Variants in CSMD3 observed in about 807,000 individuals in gnomAD.
CSMD3 encodes the protein CUB and sushi domain-containing protein 3.
A neutral mutation model predicts 435.2 loss-of-function variants in CSMD3; 177 were observed. The observed-to-expected ratio is 0.41, with a 90% confidence interval of 0.36 to 0.46. CSMD3 has a LOEUF of 0.46. CSMD3 is among the 20% of genes least tolerant of loss of function. The probability of loss-of-function intolerance (pLI) is 0.34; values close to 1 mark genes in which losing one functional copy is unlikely to be tolerated. For missense variants in CSMD3, 4,265 were observed against 4,504.6 expected (o/e 0.95, Z 1.52); for synonymous variants, 1,656 against 1,520.5 (o/e 1.09, Z -2.07).
At chr8:112,483,923 T>C (rs923761338) in intron 31 of CSMD3, among the ~76,000 whole-genome samples, 1 of 152,124 alleles carries the variant, frequency 6.6e-6, no homozygotes, top group Non-Finnish European at 1.5e-5. Context: ...GAGTACTCCA[T>C]CCCAAAGAGA....
chr8:112,348,404 G>T (rs1023208319), intron 40 of CSMD3, among the ~76,000 whole-genome samples: 13 of 152,212 alleles, frequency 8.5e-5, no homozygotes, highest in African/African-American at 3.1e-4. Context: ...CTGGCAGATT[G>T]CTTATTTTCC....
chr8:113,084,073 T>A (rs2089665496), intron 5 of CSMD3, among the ~76,000 whole-genome samples: 2 of 152,164 alleles, frequency 1.3e-5, no homozygotes, highest in Non-Finnish European at 2.9e-5. Flanking sequence ...GAAAACTCTT[T>A]TCTCTTATAA....
chr8:112,936,458 A>T (rs1335408813), intron 9 of CSMD3, among the ~76,000 whole-genome samples: 3 of 152,128 alleles, frequency 2.0e-5, no homozygotes, highest in Non-Finnish European at 2.9e-5. Context: ...ATGGAAACTT[A>T]AGAATATTAA....
intron 13 of CSMD3, among the ~76,000 whole-genome samples, chr8:112,779,500 G>A (rs1476203680): frequency 2.6e-5 from 4 of 151,914 alleles, no homozygotes; most frequent in South Asian, 2.1e-4. Context: ...CTGGACCAAG[G>A]AGAATGAATA....
At chr8:113,100,525 T>C (rs1378575168) in intron 4 of CSMD3, among the ~76,000 whole-genome samples, 2 of 152,220 alleles carry the variant, frequency 1.3e-5, no homozygotes, top group Non-Finnish European at 2.9e-5. Flanking sequence ...TTAAACCAGC[T>C]CACTGAGCTA....
chr8:113,234,487 T>G (rs537139141), intron 3 of CSMD3, among the ~76,000 whole-genome samples: 2 of 152,114 alleles, frequency 1.3e-5, no homozygotes, highest in African/African-American at 4.8e-5. Context: ...AGTTTCTGCA[T>G]TGACATTTCT....
At chr8:112,661,434 A>G (rs2075377304) in intron 17 of CSMD3, among the ~76,000 whole-genome samples, 2 of 152,144 alleles carry the variant, frequency 1.3e-5, no homozygotes, top group African/African-American at 2.4e-5. Flanking sequence ...CAGAGAAAAT[A>G]GTGCCTTCAA....
chr8:113,087,000 G>A (rs577036372), intron 5 of CSMD3, among the ~76,000 whole-genome samples: 10 of 152,194 alleles, frequency 6.6e-5, no homozygotes, highest in East Asian at 5.8e-4. Flanking sequence ...TGTTGGAACC[G>A]CATCGCATAG....
chr8:113,404,368 A>G (rs980566010), intron 1 of CSMD3, among the ~76,000 whole-genome samples: 3 of 151,430 alleles, frequency 2.0e-5, no homozygotes, highest in South Asian at 4.1e-4. Context: ...ATTCATAAGC[A>G]TAAACATACA....
chr8:113,264,575 G>C (rs1182346287), intron 3 of CSMD3, among the ~76,000 whole-genome samples: 1 of 151,190 alleles, frequency 6.6e-6, no homozygotes, highest in Non-Finnish European at 1.5e-5. Flanking sequence ...TTCATTCTCA[G>C]CTTGTTTTTC....
At position 112,755,352 on chromosome 8, in the gene CSMD3, T is replaced by TAAC. The variant is rs1563929216; in HGVS notation, c.1972+44809_1972+44810insGTT. ...TCTCAAATAATAATAATAATAATAA[T>TAAC]AATAATAATAATAATAATAATGAGG... On this transcript the variant is annotated intron_variant, in intron 13 of 70. Transcript: ENST00000297405. Among the ~76,000 whole-genome samples, 222 of 88,560 alleles carry TAAC rather than the reference T, an allele frequency of 2.5e-3. 2 individuals are homozygous for TAAC. Among genetic ancestry groups the TAAC allele is most frequent in the Admixed American group, 8.2e-3 (78 of 9,564 alleles). The allele number at this position is 88,560 out of a possible 152,430, so 58.1% of individuals were successfully genotyped here. A position where few individuals can be genotyped will look rare whatever the true frequency, so the allele number is the denominator to read the frequency against.
rs777918205 is a variant in CSMD3 at position 112,351,291 on chromosome 8, T to A, written c.6256-47A>T. 229 of 1,249,302 alleles carry A rather than the reference T, an allele frequency of 1.8e-4. 2 individuals are homozygous for A. The Middle Eastern group carries it at 2.4e-3, about 13-fold the overall frequency. 77.4% of individuals were successfully genotyped at this position (1,249,302 alleles called of 1,614,324 possible). A position where few individuals can be genotyped will look rare whatever the true frequency, so the allele number is the denominator to read the frequency against. On this transcript the variant is annotated intron_variant, in intron 39 of 70. Coordinates refer to ENST00000297405, the MANE Select transcript of CSMD3 (RefSeq NM_198123.2). ...GTTCAGTACACATACATAAAAAGTT[T>A]AAATTTATTGTAGCATAGTCAATTA...
intron 13 of CSMD3, among the ~76,000 whole-genome samples, chr8:112,708,976 GT>G (rs1467471988): frequency 6.6e-6 from 1 of 151,990 alleles, no homozygotes; most frequent in East Asian, 1.9e-4. Flanking sequence ...AACTAATAAA[GT>G]TTTCCCATTC....
At chr8:112,251,228 T>A (rs945064661) in intron 63 of CSMD3, among the ~76,000 whole-genome samples, 1 of 151,742 alleles carries the variant, frequency 6.6e-6, no homozygotes, top group African/African-American at 2.4e-5. Context: ...TATATATTTT[T>A]AAAAATAAAT....
intron 3 of CSMD3, among the ~76,000 whole-genome samples, chr8:113,177,625 C>T (rs538991318): frequency 2.6e-5 from 4 of 151,974 alleles, no homozygotes; most frequent in South Asian, 2.1e-4. Context: ...GCACTTAGAG[C>T]GGGCAGGTTG....
Position 112,265,603 on chromosome 8 carries a change from G to T in CSMD3, c.9509-13C>A, listed in dbSNP as rs549781704. On this transcript the variant is annotated splice_polypyrimidine_tract_variant and intron_variant, in intron 59 of 70. Transcript: ENST00000297405. The stretch of plus-strand genomic sequence containing the variant: ...CCACAACTGATTACTGTCAGTATTG[G>T]ATTAGAAGAGCAGATGGTTAATGAG... 6.3e-7 allele frequency: 1 copy of T among 1,596,300 alleles called. No homozygotes were observed. The highest frequency in any genetic ancestry group is 1.1e-5 in the South Asian group (1 of 90,672).
intron 20 of CSMD3, 42 bp downstream of exon 20, chr8:112,645,067 A>G: frequency 9.9e-7 from 1 of 1,008,804 alleles, no homozygotes; most frequent in Non-Finnish European, 1.6e-6. Context: ...CTCAATGAAA[A>G]TTCAGAAGAT....
intron 30 of CSMD3, among the ~76,000 whole-genome samples, chr8:112,494,494 C>CCTTTCTTTCTTTCTTTCTTT (rs66517203): frequency 3.0e-4 from 12 of 40,224 alleles, no homozygotes; most frequent in East Asian, 1.5e-3. Context: ...TTCTTTCTCT[C>CCTTTCTTTCTTTCTTTCTTT]CTTTCTTTCT....
chr8:113,427,576 G>A (rs770385891), intron 1 of CSMD3, among the ~76,000 whole-genome samples: 1 of 151,440 alleles, frequency 6.6e-6, no homozygotes, highest in Non-Finnish European at 1.5e-5. Flanking sequence ...CTCTAGCTTG[G>A]CAAGTCATTT....
Sources: gnomAD v4.1 joint callset for allele counts (sites outside exome capture counted in the v4.1 genomes callset) on GRCh38, gnomAD v4.1.1 for gene constraint, MANE v1.5 for transcripts, NCBI Gene and HGNC (gene_info 2026-07-23, HGNC 2026-07-21) for gene names.